PIKFYVE: variants seen among roughly 807,000 people sequenced by gnomAD.
PIKFYVE encodes 1-phosphatidylinositol 3-phosphate 5-kinase.
Under a neutral mutation model 257.9 loss-of-function variants are expected in PIKFYVE, and 122 were observed. The observed-to-expected ratio is 0.47, with a 90% CI of 0.41 to 0.55. PIKFYVE has a LOEUF of 0.55. Ranked by LOEUF, PIKFYVE falls within the 20% of genes least tolerant of loss-of-function variation. The pLI is 0.00. For synonymous variants in PIKFYVE, 892 were observed against 868.9 expected (o/e 1.03, Z -0.47); for missense variants, 2,160 against 2,536.6 (o/e 0.85, Z 3.19).
rs1693811647 is a variant in PIKFYVE, at chr2:208,302,467, C to T, written c.1320+114C>T. The T allele has an allele frequency of 4.7e-6, 5 of 1,068,754 alleles. No individual in the cohort carries two copies. The South Asian group carries it at 5.4e-5, about 12-fold the overall frequency. The allele number at this position is 1,068,754 out of a possible 1,614,324, so 66.2% of individuals were successfully genotyped here. On this transcript the variant is annotated intron_variant, in intron 10 of 41. Transcript: ENST00000264380. ...GAAGATGATTTTTCTAACATTTTTT[C>T]CTGCTGTTTGAGGAAAGTTAAAACT...
intron 6 of PIKFYVE, 144 bp downstream of exon 6, chr2:208,286,077 C>T: frequency 1.2e-6 from 1 of 857,664 alleles, no homozygotes; most frequent in Non-Finnish European, 1.8e-6. Context: ...GGCTTGCCTC[C>T]AGAATGTTTG....
intron 20 of PIKFYVE, among the ~76,000 whole-genome samples, chr2:208,326,956 T>A (rs1559134713): frequency 6.6e-6 from 1 of 152,180 alleles, no homozygotes; most frequent in Admixed American, 6.5e-5. Flanking sequence ...GGTTTATAGA[T>A]CCATTATTGA....
rs1699879561 is a variant in PIKFYVE, at chr2:208,352,639, C to CGA, written c.5716-15_5716-14insGA. On this transcript the variant is annotated splice_polypyrimidine_tract_variant and intron_variant, in intron 38 of 41. Transcript: ENST00000264380. ...CCTTTTTGATAAGAATTTATTTTGA[C>CGA]CTTCTCTTGATTAGAGGCCCACGGC... The CGA allele has an allele frequency of 2.5e-6, 4 of 1,611,922 alleles. No individual in the cohort carries two copies. The highest frequency in any genetic ancestry group is 3.4e-6 in the Non-Finnish European group (4 of 1,178,918).
At chr2:208,267,255 C>T (rs1210854640) in intron 1 of PIKFYVE, among the ~76,000 whole-genome samples, 3 of 151,744 alleles carry the variant, frequency 2.0e-5, no homozygotes, top group African/African-American at 7.3e-5. Flanking sequence ...TTTTTTGGCA[C>T]TCCAAAACTC....
At chr2:208,313,161 A>G (rs1041910053) in intron 13 of PIKFYVE, among the ~76,000 whole-genome samples, 2 of 152,226 alleles carry the variant, frequency 1.3e-5, no homozygotes, top group African/African-American at 4.8e-5. Context: ...GGGACAGGTT[A>G]GAGAATTTTT....
intron 3 of PIKFYVE, among the ~76,000 whole-genome samples, chr2:208,275,703 C>G (rs1479908525): frequency 6.6e-6 from 1 of 151,908 alleles, no homozygotes; most frequent in East Asian, 1.9e-4. Context: ...TTTTTTTTCC[C>G]TCCCAGCCAA....
chr2:208,311,886 C>G (rs1486000693), intron 12 of PIKFYVE, among the ~76,000 whole-genome samples: 1 of 152,184 alleles, frequency 6.6e-6, no homozygotes, highest in Non-Finnish European at 1.5e-5. Flanking sequence ...GTGAAAAGAA[C>G]TGTAATCTTT....
At chr2:208,290,121 T>C (rs938635340) in intron 7 of PIKFYVE, among the ~76,000 whole-genome samples, 2 of 152,188 alleles carry the variant, frequency 1.3e-5, no homozygotes, top group Admixed American at 1.3e-4. Context: ...CTTTGACACA[T>C]GATCATCGTC....
rs376786557 is a variant in PIKFYVE at position 208,336,922 on chromosome 2, A to G, written c.4605A>G (p.Glu1535=). ...CTGGAAGACTGAGACAAGGGGAAGA[A>G]AGCAAGGTATGAAATGTAGTCTTGT... ...PSPGRLRQGE[E]SKISAMDASP... Residue 1535 remains glutamate, a synonymous_variant, in exon 28 of 42, where the codon GAA becomes GAG. Coordinates refer to ENST00000264380, the MANE Select transcript of PIKFYVE (RefSeq NM_015040.4). 6.2e-7 allele frequency: 1 copy of G among 1,608,538 alleles called. No homozygotes were observed. The highest frequency in any genetic ancestry group is 8.5e-7 in the Non-Finnish European group (1 of 1,175,510).
Position 208,330,688 on chromosome 2 carries a change from C to T in PIKFYVE, c.3957C>T (p.Cys1319=), listed in dbSNP as rs761255163. The T allele has an allele frequency of 6.8e-6, 11 of 1,612,888 alleles. No individual in the cohort carries two copies. The South Asian group carries it at 9.9e-5, about 14-fold the overall frequency. ...TTACATATTCCTGGTGTAGAATCTGCAAACAGGTAAATAGACCCTATTACT... is the reference window on the plus strand; with the variant it reads ...TTACATATTCCTGGTGTAGAATCTGTAAACAGGTAAATAGACCCTATTACT... ...TILTYSWCRI[C]KQVTPVVALS... is the part of the protein sequence containing the mutation. Residue 1319 remains cysteine (C), a synonymous_variant, in exon 23 of 42, where the codon TGC becomes TGT. Transcript: ENST00000264380.
intron 12 of PIKFYVE, among the ~76,000 whole-genome samples, chr2:208,310,352 A>G (rs1694811561): frequency 6.6e-6 from 1 of 152,182 alleles, no homozygotes; most frequent in Admixed American, 6.5e-5. Context: ...AATTGGATTT[A>G]TAAAATTGGT....
chr2:208,325,485 C>G lies in PIKFYVE; in HGVS notation c.2674C>G (p.Leu892Val). 5 of 1,614,156 alleles carry G rather than the reference C, an allele frequency of 3.1e-6. No individual in the cohort carries two copies. Among genetic ancestry groups the G allele is most frequent in the Non-Finnish European group, 4.2e-6 (5 of 1,180,006 alleles). The stretch of plus-strand genomic sequence containing the variant: ...AATGCAAAACCCTTCATTCCATTCC[C>G]TGATTGAGGGACGAGGGCATGAGGG... ...TLMQNPSFHSLIEGRGHEGAV... is the reference protein window; with the variant it reads ...TLMQNPSFHSVIEGRGHEGAV... Residue 892 changes from leucine to valine, a missense_variant, in exon 20 of 42, where the codon CTG becomes GTG. Physicochemically the swap from Leu to Val is conservative, Grantham distance 32. Coordinates refer to ENST00000264380, the MANE Select transcript of PIKFYVE (RefSeq NM_015040.4).
chr2:208,336,984 A>G, intron 28 of PIKFYVE, 56 bp downstream of exon 28: 1 of 1,301,832 alleles, frequency 7.7e-7, no homozygotes, highest in Non-Finnish European at 1.1e-6. Context: ...AGTTAGTTTC[A>G]TTTATAATAC....
chr2:208,337,059 T>G, intron 28 of PIKFYVE, 131 bp downstream of exon 28: 1 of 694,158 alleles, frequency 1.4e-6, no homozygotes, highest in Non-Finnish European at 2.5e-6. Flanking sequence ...ATTTTGAATT[T>G]GTGAGGTTTC....
intron 15 of PIKFYVE, among the ~76,000 whole-genome samples, chr2:208,316,670 G>A (rs1216458700): frequency 7.9e-5 from 12 of 152,250 alleles, no homozygotes; most frequent in East Asian, 7.7e-4. Flanking sequence ...AGCCCGCATC[G>A]CCAAGTCAAT....
At chr2:208,277,808 A>G in intron 5 of PIKFYVE, 100 bp downstream of exon 5, 1 of 1,308,970 alleles carries the variant, frequency 7.6e-7, no homozygotes, top group East Asian at 2.3e-5. Context: ...TTTGGGTTTT[A>G]TGTGTAAGAC....
At chr2:208,307,973 TTG>T (rs1355499701) in intron 12 of PIKFYVE, among the ~76,000 whole-genome samples, 1 of 152,226 alleles carries the variant, frequency 6.6e-6, no homozygotes, top group East Asian at 1.9e-4. Flanking sequence ...CAAATTATAA[TTG>T]TATGTATTTA....
intron 12 of PIKFYVE, among the ~76,000 whole-genome samples, chr2:208,309,574 A>T (rs1694729860): frequency 6.6e-6 from 1 of 152,178 alleles, no homozygotes; most frequent in Admixed American, 6.5e-5. Flanking sequence ...ACATCTGAAA[A>T]CCATGCTAAG....
chr2:208,353,460 G>A (rs976194384), intron 39 of PIKFYVE, among the ~76,000 whole-genome samples: 3 of 151,958 alleles, frequency 2.0e-5, no homozygotes, highest in African/African-American at 4.8e-5. Flanking sequence ...AAATATTCCT[G>A]TGTTATGCTC....
Sources: allele counts gnomAD v4.1 joint callset (sites outside exome capture counted in the v4.1 genomes callset), GRCh38; gene constraint gnomAD v4.1.1; transcripts MANE v1.5; gene names NCBI Gene and HGNC (gene_info 2026-07-23, HGNC 2026-07-21).